Variants in TIE1 observed in about 807,000 individuals in gnomAD.
TIE1 encodes tyrosine kinase with immunoglobulin like and EGF like domains 1.
TIE1 carries 89 observed loss-of-function variants against 130.5 expected under a neutral mutation model. The ratio of observed to expected loss-of-function variants is 0.68; its 90% CI spans 0.57 to 0.81. TIE1 has a LOEUF of 0.81. Among genes scored for constraint, TIE1 ranks in the 40% least tolerant of loss-of-function variants. The pLI is 0.00. For missense variants in TIE1, 1,392 were observed against 1,559.8 expected (o/e 0.89, Z 1.81); for synonymous variants, 568 against 629.4 (o/e 0.90, Z 1.46).
In TIE1 at chr1:43,317,740, C is replaced by A; in HGVS notation, c.2731+66C>A. 6.7e-7 allele frequency: 1 copy of A among 1,483,342 alleles called. No individual in the cohort carries two copies. Among genetic ancestry groups the A allele is most frequent in the Non-Finnish European group, 9.2e-7 (1 of 1,082,396 alleles). The allele number at this position is 1,483,342 out of a possible 1,614,324, so 91.9% of individuals were successfully genotyped here. A position where few individuals can be genotyped will look rare whatever the true frequency, so the allele number is the denominator to read the frequency against. On this transcript the variant is annotated intron_variant, in intron 16 of 22. Transcript: ENST00000372476. This position sits in a 1 kb window ranked among gnomAD's most constrained non-coding sequence, Gnocchi z 5.1. ...CCATCCTCAGCCATCACCTCCACCACATGAGTAGCTTGCCAGGGGCTGCTG... is the reference window on the plus strand; with the variant it reads ...CCATCCTCAGCCATCACCTCCACCAAATGAGTAGCTTGCCAGGGGCTGCTG...
chr1:43,319,197 C>T lies in TIE1; in HGVS notation c.2923-38C>T. ...CTGGCCTGACTGTCCTGGGCTCCCT[C>T]ATCCCCAGTCTCTCCTGACTTCTGA... On this transcript the variant is annotated intron_variant, in intron 17 of 22. Coordinates refer to ENST00000372476, the MANE Select transcript of TIE1 (RefSeq NM_005424.5). This position sits in a 1 kb window ranked among gnomAD's most constrained non-coding sequence, Gnocchi z 4.7. 6.5e-7 allele frequency: 1 copy of T among 1,527,302 alleles called. No individual in the cohort carries two copies. Among genetic ancestry groups the T allele is most frequent in the Non-Finnish European group, 9.1e-7 (1 of 1,100,838 alleles). The allele number at this position is 1,527,302 out of a possible 1,614,324, so 94.6% of individuals were successfully genotyped here. A position where few individuals can be genotyped will look rare whatever the true frequency, so the allele number is the denominator to read the frequency against.
rs551873282 is a variant in TIE1, at chr1:43,309,512, G to A, written c.1313G>A (p.Arg438His). Residue 438 changes from arginine (R) to histidine (H), a missense_variant, in exon 9 of 23, where the codon CGC (arginine) becomes CAC (histidine). Coordinates refer to ENST00000372476, the MANE Select transcript of TIE1 (RefSeq NM_005424.5). This position sits in a 1 kb window ranked among gnomAD's most constrained non-coding sequence, Gnocchi z 6.3. ...VSTSGGQDSR[R>H]FKVNVKVPPV... is the part of the protein sequence containing the mutation. ...ACATCTGGCGGCCAAGACAGCCGGC[G>A]CTTCAAGGTCAATGTGAAAGGTCAG... 19 of 1,592,898 alleles carry A rather than the reference G, an allele frequency of 1.2e-5. No individual in the cohort carries two copies. In the African/African-American group the frequency reaches 2.0e-4, roughly 17 times the overall value.
rs763301824 is a variant in TIE1 at position 43,305,114 on chromosome 1, G to A, written c.322G>A (p.Gly108Ser). Residue 108 changes from glycine to serine, a missense_variant, in exon 2 of 23, where the codon GGT (glycine) becomes AGT (serine). Transcript: ENST00000372476. ...DLVGVFSCVG[G>S]AGARRTRVIY... Reference sequence around the variant, plus strand: ...CGTGGGCGTCTTCTCCTGCGTGGGCGGTGCTGGGGCGCGGCGCACGCGCGT... The same window carrying A: ...CGTGGGCGTCTTCTCCTGCGTGGGCAGTGCTGGGGCGCGGCGCACGCGCGT... 10 of 1,613,352 alleles carry A rather than the reference G, an allele frequency of 6.2e-6. No homozygotes were observed. The East Asian group carries it at 1.3e-4, about 22-fold the overall frequency.
chr1:43,322,170 T>C lies in TIE1; in HGVS notation c.3345+455T>C, dbSNP rs534519087. Among the ~76,000 whole-genome samples, 11 of 152,280 alleles carry C rather than the reference T, an allele frequency of 7.2e-5. No homozygotes were observed. Among genetic ancestry groups the C allele is most frequent in the Admixed American group, 1.3e-4 (2 of 15,306 alleles). ...AGATGATACAATAATCATATGAACA[T>C]GTAATTCAATAACTCAATCTACTAA... On this transcript the variant is annotated intron_variant, in intron 22 of 22. Transcript: ENST00000372476. This position sits in a 1 kb window ranked among gnomAD's most constrained non-coding sequence, Gnocchi z 4.0.
In TIE1 at chr1:43,307,674, C is replaced by T; in HGVS notation, c.913+102C>T. On this transcript the variant is annotated intron_variant, in intron 6 of 22. Transcript: ENST00000372476. The surrounding 1 kb of genome is among the most constrained non-coding windows in gnomAD (Gnocchi z 5.4). Reference sequence around the variant, plus strand: ...CTGACTTACGCAGCAAGCCCTCCTGCTCACTTGACCAGTCCTTCTATCCTC... The same window carrying T: ...CTGACTTACGCAGCAAGCCCTCCTGTTCACTTGACCAGTCCTTCTATCCTC... 6.2e-7 allele frequency: 1 copy of T among 1,600,512 alleles called. No homozygotes were observed. Among genetic ancestry groups the T allele is most frequent in the Non-Finnish European group, 8.5e-7 (1 of 1,170,764 alleles).
At chr1:43,308,240 T>C (rs1646750760) in intron 7 of TIE1, among the ~76,000 whole-genome samples, 1 of 152,204 alleles carries the variant, frequency 6.6e-6, no homozygotes, top group South Asian at 2.1e-4. Flanking sequence ...TGGAAGCAGG[T>C]GTGATCTGAG....
In TIE1 at chr1:43,305,312, G is replaced by C. The variant is rs746083875; in HGVS notation, c.453G>C (p.Glu151Asp). The part of the protein sequence containing the change: ...TAVLSARVHK[E>D]KQTDVIWKSN... ...TACTTTCTGCACGTGTGCACAAGGAGAAGCAGACAGACGTGATCTGGAAGA... is the reference window on the plus strand; with the variant it reads ...TACTTTCTGCACGTGTGCACAAGGACAAGCAGACAGACGTGATCTGGAAGA... The change falls in exon 3 of 23, where the codon GAG becomes GAC. Residue 151 changes from glutamate to aspartate, a missense_variant. Physicochemically the swap from Glu to Asp is conservative, Grantham distance 45 (BLOSUM62 2). Transcript: ENST00000372476. 1.3e-6 allele frequency: 2 copies of C among 1,593,024 alleles called. No homozygotes were observed. Among genetic ancestry groups the C allele is most frequent in the Admixed American group, 3.4e-5 (2 of 59,044 alleles).
chr1:43,304,741 C>T, intron 1 of TIE1, 110 bp from the exon 2 acceptor site: 1 of 1,190,786 alleles, frequency 8.4e-7, no homozygotes, highest in Admixed American at 3.8e-5. Context: ...GGTTGGAGAC[C>T]CTCTTCTGAG....
chr1:43,303,749 C>G (rs1175238279), intron 1 of TIE1, among the ~76,000 whole-genome samples: 2 of 152,164 alleles, frequency 1.3e-5, no homozygotes, highest in Non-Finnish European at 2.9e-5. Context: ...AGGCCTCTGT[C>G]CAGGCTGTTC....
At position 43,309,327 on chromosome 1, in the gene TIE1, G is replaced by A; in HGVS notation, c.1189-61G>A. 3 of 1,535,474 alleles carry A rather than the reference G, an allele frequency of 2.0e-6. No homozygotes were observed. Among genetic ancestry groups the A allele is most frequent in the Non-Finnish European group, 2.6e-6 (3 of 1,144,316 alleles). ...CTGCCATCAGTCCAGACGGACACCT[G>A]GGTGCCTGCCACAGAGGTGCCCGTT... On this transcript the variant is annotated intron_variant, in intron 8 of 22. Transcript: ENST00000372476. This position sits in a 1 kb window ranked among gnomAD's most constrained non-coding sequence, Gnocchi z 6.3.
Position 43,318,455 on chromosome 1 carries a change from G to A in TIE1, c.2922+383G>A, listed in dbSNP as rs1372858678. Among the ~76,000 whole-genome samples the A allele has an allele frequency of 6.6e-6, 1 of 152,140 alleles. No homozygotes were observed. The highest frequency in any genetic ancestry group is 1.5e-5 in the Non-Finnish European group (1 of 68,022). ...CAAGTCAACTCAGGCCTGAATGAGAGGACAGGGGGATGACTGTCCAGGGGA... is the reference window on the plus strand; with the variant it reads ...CAAGTCAACTCAGGCCTGAATGAGAAGACAGGGGGATGACTGTCCAGGGGA... On this transcript the variant is annotated intron_variant, in intron 17 of 22. Coordinates refer to ENST00000372476, the MANE Select transcript of TIE1 (RefSeq NM_005424.5). The surrounding 1 kb of genome is among the most constrained non-coding windows in gnomAD (Gnocchi z 4.4).
At position 43,319,580 on chromosome 1, in the gene TIE1, C is replaced by G. The variant is rs373217718; in HGVS notation, c.3107+51C>G. 10 of 1,559,084 alleles carry G rather than the reference C, an allele frequency of 6.4e-6. No individual in the cohort carries two copies. Among genetic ancestry groups the G allele is most frequent in the Non-Finnish European group, 7.1e-6 (8 of 1,130,172 alleles). On this transcript the variant is annotated intron_variant, in intron 19 of 22. Coordinates refer to ENST00000372476, the MANE Select transcript of TIE1 (RefSeq NM_005424.5). This position sits in a 1 kb window ranked among gnomAD's most constrained non-coding sequence, Gnocchi z 4.7. Reference sequence around the variant, plus strand: ...GAGGGCTTGGCCCCCAAGAATCACCCAGGCCTGACCTAGACATATCTCAGA... The same window carrying G: ...GAGGGCTTGGCCCCCAAGAATCACCGAGGCCTGACCTAGACATATCTCAGA...
In TIE1 at chr1:43,309,230, C is replaced by T; in HGVS notation, c.1188+99C>T. On this transcript the variant is annotated intron_variant, in intron 8 of 22. Transcript: ENST00000372476. This position sits in a 1 kb window ranked among gnomAD's most constrained non-coding sequence, Gnocchi z 6.3. ...GTCCCTCAGAACTTTCTGCAGGGCC[C>T]ACCCATTGGCCTGACCATTGCTCAC... is the stretch of plus-strand genomic sequence containing the variant. 1 of 1,511,706 alleles carries T rather than the reference C, an allele frequency of 6.6e-7. No homozygotes were observed. The highest frequency in any genetic ancestry group is 8.9e-7 in the Non-Finnish European group (1 of 1,127,858). 93.6% of individuals were successfully genotyped at this position (1,511,706 alleles called of 1,614,324 possible). A position where few individuals can be genotyped will look rare whatever the true frequency, so the allele number is the denominator to read the frequency against.
In TIE1 at chr1:43,312,754, C is replaced by T. The variant is rs1034394228; in HGVS notation, c.1927+153C>T. Among the ~76,000 whole-genome samples the T allele has an allele frequency of 1.3e-5, 2 of 151,944 alleles. No homozygotes were observed. Among genetic ancestry groups the T allele is most frequent in the South Asian group, 2.1e-4 (1 of 4,820 alleles). On this transcript the variant is annotated intron_variant, in intron 12 of 22. Transcript: ENST00000372476. This position sits in a 1 kb window ranked among gnomAD's most constrained non-coding sequence, Gnocchi z 5.6. ...GGGTATTAGGCAGACGTGACCCCAG[C>T]GGGGACATGGGACTTGGGGAAGATC... is the stretch of plus-strand genomic sequence containing the variant.
Position 43,312,908 on chromosome 1 carries a change from G to A in TIE1, c.1928-227G>A, listed in dbSNP as rs1055532889. ...GGAACACAGGGCATGGGCGGATGTG[G>A]AGAGGACTTGGGATACAAGAAGTAC... is the stretch of plus-strand genomic sequence containing the variant. On this transcript the variant is annotated intron_variant, in intron 12 of 22. Coordinates refer to ENST00000372476, the MANE Select transcript of TIE1 (RefSeq NM_005424.5). The surrounding 1 kb of genome is among the most constrained non-coding windows in gnomAD (Gnocchi z 5.6). 6.6e-6 allele frequency among the ~76,000 whole-genome samples: 1 copy of A among 152,060 alleles called. No homozygotes were observed. The highest frequency in any genetic ancestry group is 1.5e-5 in the Non-Finnish European group (1 of 67,984).
Position 43,317,179 on chromosome 1 carries a change from T to C in TIE1, c.2410-20T>C. On this transcript the variant is annotated intron_variant, in intron 14 of 22. Transcript: ENST00000372476. The surrounding 1 kb of genome is among the most constrained non-coding windows in gnomAD (Gnocchi z 5.1). ...TGACTCTTGCGTGGACCGTCTGCCC[T>C]CTTGTCTCATCCTGTGAAGGGCGAG... 3 of 1,613,376 alleles carry C rather than the reference T, an allele frequency of 1.9e-6. No individual in the cohort carries two copies. The highest frequency in any genetic ancestry group is 1.3e-5 in the African/African-American group (1 of 74,964).
chr1:43,305,138 G>A lies in TIE1; in HGVS notation c.346G>A (p.Val116Ile), dbSNP rs763598937. The A allele has an allele frequency of 1.2e-6, 2 of 1,613,898 alleles. No individual in the cohort carries two copies. The highest frequency in any genetic ancestry group is 4.5e-5 in the East Asian group (2 of 44,868). Residue 116 changes from valine (V) to isoleucine (I), a missense_variant, in exon 2 of 23, where the codon GTC becomes ATC. Physicochemically the swap from Val to Ile is conservative, Grantham distance 29. This residue lies in a region of TIE1 where 415 missense variants were observed against 424.8 expected (regional missense o/e 0.98). Transcript: ENST00000372476. ...VGGAGARRTR[V>I]IYVHNSPGAH... ...CGGTGCTGGGGCGCGGCGCACGCGCGTCATCTACGTGCACAACAGCCCTGG... is the reference window on the plus strand; with the variant it reads ...CGGTGCTGGGGCGCGGCGCACGCGCATCATCTACGTGCACAACAGCCCTGG...
chr1:43,311,209 C>T (rs1646786959), intron 9 of TIE1, among the ~76,000 whole-genome samples: 1 of 152,004 alleles, frequency 6.6e-6, no homozygotes, highest in South Asian at 2.1e-4. Flanking sequence ...GGGTAATGTG[C>T]CCTGACAGAA....
In TIE1 at chr1:43,313,912, T is replaced by C. The variant is rs1297182138; in HGVS notation, c.2353T>C (p.Cys785Arg). The C allele has an allele frequency of 6.2e-7, 1 of 1,614,150 alleles. No homozygotes were observed. Among genetic ancestry groups the C allele is most frequent in the Non-Finnish European group, 8.5e-7 (1 of 1,180,012 alleles). Residue 785 changes from cysteine to arginine, a missense_variant, in exon 14 of 23, where the codon TGC becomes CGC. By Grantham distance (180) the Cys-to-Arg change is radical. Around this residue, in one of 6 missense-constraint regions of TIE1, gnomAD observed 286 missense variants for 354.4 expected, o/e 0.81. Coordinates refer to ENST00000372476, the MANE Select transcript of TIE1 (RefSeq NM_005424.5). This position sits in a 1 kb window ranked among gnomAD's most constrained non-coding sequence, Gnocchi z 6.2. ...TILAALLTLV[C>R]IRRSCLHRRR... ...CCTGGCTGCCCTTTTAACCCTGGTG[T>C]GCATCCGCAGAAGCTGCCTGCATCG...
Sources: allele counts gnomAD v4.1 joint callset (sites outside exome capture counted in the v4.1 genomes callset), GRCh38; gene constraint gnomAD v4.1.1; regional missense constraint gnomAD v4.1.1; non-coding constraint Gnocchi (gnomAD v3.1); transcripts MANE v1.5; gene names NCBI Gene and HGNC (gene_info 2026-07-23, HGNC 2026-07-21).